The following SSPN variants were observed in gnomAD, a reference collection of about 807,000 sequenced individuals.
SSPN encodes K-ras oncogene-associated protein.
A neutral mutation model predicts 19.1 loss-of-function variants in SSPN; 15 were observed. That is an observed-to-expected ratio of 0.78 (90% CI 0.52 to 1.21). The LOEUF (loss-of-function observed/expected upper bound fraction) is 1.21. Among genes scored for constraint, SSPN ranks in the 50% most tolerant of loss-of-function variants. SSPN has a pLI of 0.00. For synonymous variants in SSPN, 147 were observed against 140.3 expected (o/e 1.05, Z -0.34); for missense variants, 291 against 314.0 (o/e 0.93, Z 0.55).
rs1024379609 is a variant in SSPN, at chr12:26,155,367, G to A, written c.-31+33215G>A. ...CCGCAGATGACAAAGATGGGAGCACGTATCTGAAAATGGAAGGGGATGGTG... is the reference window on the plus strand; with the variant it reads ...CCGCAGATGACAAAGATGGGAGCACATATCTGAAAATGGAAGGGGATGGTG... On this transcript the variant is annotated intron_variant, in intron 1 of 2. Coordinates refer to the SSPN transcript ENST00000538142. Among the ~76,000 whole-genome samples the A allele has an allele frequency of 2.6e-5, 4 of 152,184 alleles. 1 individual carries two copies. In the South Asian group the frequency reaches 6.2e-4, roughly 24 times the overall value.
rs1162175061 is a variant in SSPN at position 26,161,327 on chromosome 12, G to T, written c.-31+39175G>T. ...CCATATGGCCTGCTTGCTGTTTCTT[G>T]AACCCACCAGGTACCTATGCCCGAG... On this transcript the variant is annotated intron_variant, in intron 1 of 2. Transcript: ENST00000538142. Among the ~76,000 whole-genome samples, 3 of 151,622 alleles carry T rather than the reference G, an allele frequency of 2.0e-5. No individual in the cohort carries two copies. The East Asian group carries it at 5.8e-4, about 29-fold the overall frequency.
chr12:26,174,387 G>A (rs1389219404), intron 1 of SSPN, among the ~76,000 whole-genome samples: 2 of 151,918 alleles, frequency 1.3e-5, no homozygotes, highest in Non-Finnish European at 2.9e-5. Context: ...TATTTAAAGT[G>A]TAAAGTTTGG....
At chr12:26,183,146 T>G (rs577365520) in intron 1 of SSPN, among the ~76,000 whole-genome samples, 25 of 152,348 alleles carry the variant, frequency 1.6e-4, no homozygotes, top group African/African-American at 6.0e-4. Context: ...GAAGAAGGTC[T>G]AAGTCATAGG....
chr12:26,176,698 C>T (rs760580686), intron 1 of SSPN, among the ~76,000 whole-genome samples: 5 of 152,186 alleles, frequency 3.3e-5, no homozygotes, highest in Non-Finnish European at 7.3e-5. Context: ...TTGGAAGTAG[C>T]GACTTTGTCC....
chr12:26,134,449 T>C (rs1017582964), intron 1 of SSPN, among the ~76,000 whole-genome samples: 1 of 152,252 alleles, frequency 6.6e-6, no homozygotes, highest in Admixed American at 6.5e-5. Context: ...TCAGCATCTG[T>C]CTTCCCCACT....
intron 1 of SSPN, among the ~76,000 whole-genome samples, chr12:26,127,653 C>G (rs1195270041): frequency 1.3e-5 from 2 of 152,048 alleles, no homozygotes. Context: ...CTTCCTTTCC[C>G]TTATGTTCTC....
rs143964911 is a variant in SSPN at position 26,232,432 on chromosome 12, G to A, written c.*1356G>A. 1.5e-3 allele frequency: 1,476 copies of A among 985,376 alleles called. 15 individuals carry two copies. The African/African-American group carries it at 0.024, about 16-fold the overall frequency. 61.0% of individuals were successfully genotyped at this position (985,376 alleles called of 1,614,324 possible). ...TATTTTAAGGAAGGAGCTAAAAATG[G>A]AAATTCATGAAACATAAATGGTATC... On this transcript the variant is annotated 3_prime_UTR_variant, in exon 3 of 3. Coordinates refer to ENST00000242729, the MANE Select transcript of SSPN (RefSeq NM_005086.5).
intron 1 of SSPN, among the ~76,000 whole-genome samples, chr12:26,210,902 G>A (rs1944978616): frequency 6.6e-6 from 1 of 152,056 alleles, no homozygotes; most frequent in African/African-American, 2.4e-5. Context: ...TGAGCTGCAA[G>A]TTTCTATAAA....
Position 26,232,641 on chromosome 12 carries a change from A to C in SSPN, c.*1565A>C, listed in dbSNP as rs1295303665. 2 of 985,202 alleles carry C rather than the reference A, an allele frequency of 2.0e-6. No individual in the cohort carries two copies. The highest frequency in any genetic ancestry group is 3.5e-5 in the African/African-American group (2 of 57,232). The allele number at this position is 985,202 out of a possible 1,614,324, so 61.0% of individuals were successfully genotyped here. On this transcript the variant is annotated 3_prime_UTR_variant, in exon 3 of 3. Transcript: ENST00000242729. ...TTCCACTGATTGTGATAATGGTTTC[A>C]ATTTCTACACAATATAAATATCCAG...
chr12:26,212,113 A>T (rs1027882181), intron 1 of SSPN, among the ~76,000 whole-genome samples: 1 of 152,186 alleles, frequency 6.6e-6, no homozygotes, highest in African/African-American at 2.4e-5. Context: ...AAGAGATCTA[A>T]ATTTAACAAA....
intron 1 of SSPN, among the ~76,000 whole-genome samples, chr12:26,157,536 C>G (rs540675757): frequency 6.1e-4 from 93 of 152,246 alleles, no homozygotes; most frequent in African/African-American, 1.9e-3. Flanking sequence ...CACACTGACA[C>G]TCTCAGGATG....
In SSPN at chr12:26,172,861, CTCTG is replaced by C. The variant is rs1033683668; in HGVS notation, c.-31+50717_-31+50720del. Among the ~76,000 whole-genome samples, 4 of 151,998 alleles carry C rather than the reference CTCTG, an allele frequency of 2.6e-5. No individual in the cohort carries two copies. In the East Asian group the frequency reaches 5.8e-4, roughly 22 times the overall value. On this transcript the variant is annotated intron_variant, in intron 1 of 2. Transcript: ENST00000538142. ...ACTTTCTTTACAGATCTCTCTCTCT[CTCTG>C]TCTGTCTTTCCCCATGAATCATCTA...
At chr12:26,152,061 T>C (rs1008990352) in intron 1 of SSPN, among the ~76,000 whole-genome samples, 6 of 152,202 alleles carry the variant, frequency 3.9e-5, no homozygotes, top group Non-Finnish European at 8.8e-5. Flanking sequence ...CAATACACTT[T>C]TAAGTCTAAT....
intron 1 of SSPN, among the ~76,000 whole-genome samples, chr12:26,136,016 TG>T (rs1944423071): frequency 6.6e-6 from 1 of 152,252 alleles, no homozygotes; most frequent in Non-Finnish European, 1.5e-5. Flanking sequence ...CTCCCATCCA[TG>T]GATTCAACCA....
chr12:26,186,662 G>A (rs778703034), intron 1 of SSPN, among the ~76,000 whole-genome samples: 5 of 152,176 alleles, frequency 3.3e-5, no homozygotes, highest in Non-Finnish European at 4.4e-5. Flanking sequence ...CATAGGCTGC[G>A]CTGAGTGAGA....
chr12:26,195,706 A>G lies in SSPN; in HGVS notation c.34A>G (p.Arg12Gly). ...GAACAAGCAGCCACGCGGCCAGCAG[A>G]GGCAGGGGGGCCCGCCGGCCGCGGA... ...GKNKQPRGQQ[R>G]QGGPPAADAA... Residue 12 changes from arginine (R) to glycine (G), a missense_variant, in exon 1 of 3, where the codon AGG becomes GGG. This residue lies in a region of SSPN where 139 missense variants were observed against 119.6 expected (regional missense o/e 1.16). Transcript: ENST00000242729. The G allele has an allele frequency of 8.6e-7, 1 of 1,165,756 alleles. No homozygotes were observed. The highest frequency in any genetic ancestry group is 1.1e-6 in the Non-Finnish European group (1 of 934,384). The allele number at this position is 1,165,756 out of a possible 1,614,324, so 72.2% of individuals were successfully genotyped here.
intron 1 of SSPN, among the ~76,000 whole-genome samples, chr12:26,147,920 T>C (rs1349785693): frequency 6.6e-6 from 1 of 152,222 alleles, no homozygotes; most frequent in Admixed American, 6.5e-5. Context: ...TAGAATCTTC[T>C]TGTTAGAAAT....
intron 1 of SSPN, among the ~76,000 whole-genome samples, chr12:26,220,974 C>G (rs186209021): frequency 6.6e-6 from 1 of 152,178 alleles, no homozygotes; most frequent in Non-Finnish European, 1.5e-5. Context: ...AAGAATTGCT[C>G]CCATCCAATC....
At chr12:26,181,423 G>A (rs146671100) in intron 1 of SSPN, 3 of 152,196 alleles carry the variant, frequency 2.0e-5, no homozygotes, top group African/African-American at 7.2e-5. Context: ...GGTCAACAAT[G>A]TTAGCTGTTT....
Sources: allele counts gnomAD v4.1 joint callset (sites outside exome capture counted in the v4.1 genomes callset), GRCh38; gene constraint gnomAD v4.1.1; regional missense constraint gnomAD v4.1.1; transcripts MANE v1.5; gene names NCBI Gene and HGNC (gene_info 2026-07-23, HGNC 2026-07-21).